Variants in POLA1 observed in about 807,000 individuals in gnomAD.
POLA1 encodes the protein DNA polymerase alpha 1, catalytic subunit.
Under a neutral mutation model 124.0 loss-of-function variants are expected in POLA1, and 15 were observed. That is an observed-to-expected ratio of 0.12 (90% CI 0.08 to 0.19). The LOEUF is 0.19. Among genes scored for constraint, POLA1 ranks in the 10% least tolerant of loss-of-function variants. The pLI, the probability that POLA1 is intolerant of heterozygous loss-of-function variation, is 1.00. For missense variants in POLA1, 886 were observed against 1,103.4 expected (o/e 0.80, Z 2.79); for synonymous variants, 408 against 389.4 (o/e 1.05, Z -0.56).
At chrX:24,939,650 G>C (rs139520977) in intron 36 of POLA1, among the ~76,000 whole-genome samples, 2,764 of 111,590 alleles carry the variant, frequency 0.025, 80 homozygotes, top group African/African-American at 0.083. Context: ...CATAACTTTA[G>C]TTTAGAGCTG....
chrX:24,968,438 T>G (rs535314764), intron 36 of POLA1, among the ~76,000 whole-genome samples: 105 of 111,686 alleles, frequency 9.4e-4, no homozygotes, highest in East Asian at 2.0e-3. Context: ...AGTGGCTCAC[T>G]CCTGTAATCC....
chrX:24,693,956 G>C lies in POLA1; in HGVS notation c.-6G>C, dbSNP rs1927784284. ...TGGTTGGCGCGGAATCGGGAGATTC[G>C]GGACCATGGCACCTGTGCACGGCGA... On this transcript the variant is annotated 5_prime_UTR_variant, in exon 1 of 37. Transcript: ENST00000379068. 13 of 1,193,195 alleles carry C rather than the reference G, an allele frequency of 1.1e-5. No homozygotes were observed. The highest frequency in any genetic ancestry group is 5.5e-5 in the South Asian group (3 of 54,471).
At chrX:24,829,443 G>T (rs2046227457) in intron 32 of POLA1, among the ~76,000 whole-genome samples, 1 of 111,433 alleles carries the variant, frequency 9.0e-6, no homozygotes, top group African/African-American at 3.3e-5. Context: ...TGCACCAGCA[G>T]TATATACACA....
intron 15 of POLA1, 76 bp downstream of exon 15, chrX:24,728,012 A>T: frequency 1.2e-6 from 1 of 835,113 alleles, no homozygotes; most frequent in South Asian, 3.1e-5. Flanking sequence ...CTTTGCTTTA[A>T]GAGAAAGTTG....
At chrX:24,754,272 AG>A (rs910086766) in intron 26 of POLA1, among the ~76,000 whole-genome samples, 1 of 106,402 alleles carries the variant, frequency 9.4e-6, no homozygotes, top group African/African-American at 3.4e-5. Context: ...TGTGGGGGGC[AG>A]GGGGGCAGAG....
chrX:24,790,311 A>G (rs1452484648), intron 26 of POLA1, among the ~76,000 whole-genome samples: 1 of 112,353 alleles, frequency 8.9e-6, no homozygotes. Context: ...AACAGTATTT[A>G]CATTCATTTA....
At chrX:24,732,678 TAGG>T (rs1485980469) in intron 16 of POLA1, among the ~76,000 whole-genome samples, 1 of 107,350 alleles carries the variant, frequency 9.3e-6, no homozygotes, top group African/African-American at 3.4e-5. Flanking sequence ...TTTTTTTTTC[TAGG>T]AGAAGTCTGG....
At chrX:24,720,909 A>G (rs900685285) in intron 10 of POLA1, among the ~76,000 whole-genome samples, 6 of 112,629 alleles carry the variant, frequency 5.3e-5, no homozygotes, top group Non-Finnish European at 7.5e-5. Context: ...CAGGTGTTCA[A>G]TAGCAACTGT....
At chrX:24,812,436 GTCTC>G (rs923828071) in intron 28 of POLA1, among the ~76,000 whole-genome samples, 9 of 110,394 alleles carry the variant, frequency 8.2e-5, no homozygotes, top group South Asian at 7.7e-4. Flanking sequence ...ATCTATTATT[GTCTC>G]TCTCTCTCTC....
chrX:24,931,320 C>T (rs1255399667), intron 36 of POLA1, among the ~76,000 whole-genome samples: 1 of 110,983 alleles, frequency 9.0e-6, no homozygotes, highest in Non-Finnish European at 1.9e-5. Flanking sequence ...ATCAATTCAA[C>T]GTTTTGTTGG....
At chrX:24,721,544 A>G (rs1469356686) in intron 10 of POLA1, among the ~76,000 whole-genome samples, 2 of 112,432 alleles carry the variant, frequency 1.8e-5, no homozygotes, top group Non-Finnish European at 3.8e-5. Context: ...AGACCCTGTT[A>G]TTGTTTCTCA....
At chrX:24,852,958 G>T (rs1267252122) in intron 34 of POLA1, among the ~76,000 whole-genome samples, 1 of 111,751 alleles carries the variant, frequency 8.9e-6, no homozygotes, top group African/African-American at 3.2e-5. Flanking sequence ...CAAGTGGCAA[G>T]AAAAAAAGAA....
chrX:24,799,049 T>A (rs2045661152), intron 26 of POLA1, among the ~76,000 whole-genome samples: 1 of 112,004 alleles, frequency 8.9e-6, no homozygotes, highest in African/African-American at 3.2e-5. Context: ...GAAAGTGTGG[T>A]CATGATAGAA....
chrX:24,868,177 A>G (rs999980466), intron 34 of POLA1, among the ~76,000 whole-genome samples: 4 of 112,265 alleles, frequency 3.6e-5, no homozygotes, highest in African/African-American at 6.5e-5. Flanking sequence ...AGTTTGCTAA[A>G]TTCATAAGTG....
chrX:24,960,217 A>C (rs1209926656), intron 36 of POLA1, among the ~76,000 whole-genome samples: 2 of 111,964 alleles, frequency 1.8e-5, no homozygotes, highest in Non-Finnish European at 3.8e-5. Context: ...CAATTGATGC[A>C]CTATAAATAG....
intron 32 of POLA1, among the ~76,000 whole-genome samples, chrX:24,837,842 T>G (rs1183831406): frequency 8.9e-6 from 1 of 112,104 alleles, no homozygotes; most frequent in Non-Finnish European, 1.9e-5. Context: ...TTTATGTGGA[T>G]TTTCCCTCTT....
At chrX:24,801,924 G>GGTGTGGGTGTGT (rs2045714449) in intron 26 of POLA1, among the ~76,000 whole-genome samples, 3 of 74,536 alleles carry the variant, frequency 4.0e-5, no homozygotes, top group Non-Finnish European at 7.3e-5. Flanking sequence ...GAGGTGGGTG[G>GGTGTGGGTGTGT]GTGTGTGTGT....
At chrX:24,809,982 G>A (rs769008981) in intron 27 of POLA1, 52 bp downstream of exon 27, 2 of 775,512 alleles carry the variant, frequency 2.6e-6, no homozygotes, top group Non-Finnish European at 3.8e-6. Context: ...AACTGGTAAC[G>A]TTTTTGTATT....
chrX:24,797,959 G>A (rs2045638627), intron 26 of POLA1, among the ~76,000 whole-genome samples: 1 of 109,717 alleles, frequency 9.1e-6, no homozygotes, highest in African/African-American at 3.3e-5. Context: ...GATGTGGGAG[G>A]ATTGCTTTAG....
Sources: gnomAD v4.1 joint callset for allele counts (sites outside exome capture counted in the v4.1 genomes callset) on GRCh38, gnomAD v4.1.1 for gene constraint, MANE v1.5 for transcripts, NCBI Gene and HGNC (gene_info 2026-07-23, HGNC 2026-07-21) for gene names.